The following MGAT4C variants were observed in gnomAD, a reference collection of about 807,000 sequenced individuals.
MGAT4C encodes MGAT4 family member C.
A neutral mutation model predicts 40.1 loss-of-function variants in MGAT4C; 19 were observed. The observed-to-expected ratio is 0.47, with a 90% CI of 0.33 to 0.70. The LOEUF (loss-of-function observed/expected upper bound fraction) is 0.70. Ranked by LOEUF, MGAT4C falls within the 30% of genes least tolerant of loss-of-function variation. The probability of loss-of-function intolerance (pLI) is 0.02; values close to 1 mark genes in which losing one functional copy is unlikely to be tolerated. For missense variants in MGAT4C, 491 were observed against 563.2 expected, an observed-to-expected ratio of 0.87 and a Z score of 1.30; for synonymous variants, 181 against 187.1, an observed-to-expected ratio of 0.97 and a Z score of 0.27.
intron 3 of MGAT4C, among the ~76,000 whole-genome samples, chr12:86,336,315 G>A (rs1954792079): frequency 6.6e-6 from 1 of 152,132 alleles, no homozygotes; most frequent in South Asian, 2.1e-4. Flanking sequence ...GTAGAGTTCA[G>A]TTCAATATCT....
At chr12:86,077,905 A>G (rs1468072818) in intron 1 of MGAT4C, among the ~76,000 whole-genome samples, 1 of 152,172 alleles carries the variant, frequency 6.6e-6, no homozygotes, top group East Asian at 1.9e-4. Flanking sequence ...TAGCCTGTTG[A>G]CTTAAATGCA....
chr12:86,144,015 TTAAA>T (rs1334808321), intron 1 of MGAT4C, among the ~76,000 whole-genome samples: 2 of 152,174 alleles, frequency 1.3e-5, no homozygotes, highest in African/African-American at 4.8e-5. Context: ...ATAATATGTG[TTAAA>T]TAAATTCCAG....
intron 3 of MGAT4C, among the ~76,000 whole-genome samples, chr12:86,335,773 T>A (rs1954773127): frequency 6.6e-6 from 1 of 152,118 alleles, no homozygotes; most frequent in Non-Finnish European, 1.5e-5. Flanking sequence ...CTATCAAAAC[T>A]CATTGTGCAA....
intron 2 of MGAT4C, among the ~76,000 whole-genome samples, chr12:86,531,265 T>C (rs765301225): frequency 6.6e-6 from 1 of 152,086 alleles, no homozygotes; most frequent in African/African-American, 2.4e-5. Flanking sequence ...TCCTCTACTT[T>C]TGAAAATCCA....
At chr12:86,803,355 G>A (rs1411113098) in intron 1 of MGAT4C, among the ~76,000 whole-genome samples, 1 of 151,772 alleles carries the variant, frequency 6.6e-6, no homozygotes, top group South Asian at 2.1e-4. Context: ...ATAGGCATGG[G>A]AAAGGACTTC....
intron 1 of MGAT4C, among the ~76,000 whole-genome samples, chr12:86,126,043 T>A (rs535881548): frequency 6.6e-6 from 1 of 152,084 alleles, no homozygotes; most frequent in Non-Finnish European, 1.5e-5. Context: ...TATACAGGAA[T>A]CAGTTAAAAT....
chr12:86,604,328 G>C (rs917039286), intron 2 of MGAT4C, among the ~76,000 whole-genome samples: 1 of 151,992 alleles, frequency 6.6e-6, no homozygotes, highest in African/African-American at 2.4e-5. Flanking sequence ...AGGATGATCT[G>C]ATGACCCAGC....
At chr12:86,574,996 A>C (rs1288820815) in intron 2 of MGAT4C, among the ~76,000 whole-genome samples, 1 of 151,718 alleles carries the variant, frequency 6.6e-6, no homozygotes, top group Non-Finnish European at 1.5e-5. Context: ...TTTCACTTCA[A>C]AATCAAAACC....
chr12:86,031,704 C>T (rs1890768707), intron 2 of MGAT4C, among the ~76,000 whole-genome samples: 1 of 151,774 alleles, frequency 6.6e-6, no homozygotes, highest in Non-Finnish European at 1.5e-5. Context: ...TTCTGGATTT[C>T]TCTTGAAATC....
At position 86,769,420 on chromosome 12, in the gene MGAT4C, T is replaced by C. The variant is rs201111126; in HGVS notation, c.-261-42179A>G. Among the ~76,000 whole-genome samples, 1,048 of 152,200 alleles carry C rather than the reference T, an allele frequency of 6.9e-3. 8 individuals are homozygous for C. The highest frequency in any genetic ancestry group is 0.024 in the African/African-American group (981 of 41,544). ...GAACACTTTTACACTGTTGGTGGGATTGTAAACTAGTTCAACCATTGTGGA... is the reference window on the plus strand; with the variant it reads ...GAACACTTTTACACTGTTGGTGGGACTGTAAACTAGTTCAACCATTGTGGA... On this transcript the variant is annotated intron_variant, in intron 1 of 7. Coordinates refer to the MGAT4C transcript ENST00000548651.
At chr12:86,533,698 T>C (rs1959021994) in intron 2 of MGAT4C, among the ~76,000 whole-genome samples, 1 of 151,584 alleles carries the variant, frequency 6.6e-6, no homozygotes, top group Admixed American at 6.6e-5. Flanking sequence ...TATATATCTA[T>C]ATATATAAAC....
intron 2 of MGAT4C, among the ~76,000 whole-genome samples, chr12:86,026,452 C>T (rs537612038): frequency 1.5e-3 from 229 of 151,952 alleles, no homozygotes; most frequent in Non-Finnish European, 2.6e-3. Context: ...CTTTCCATAT[C>T]AGCACAAATA....
intron 2 of MGAT4C, chr12:86,013,816 T>A (rs1447917972): frequency 4.3e-5 from 37 of 862,616 alleles, no homozygotes; most frequent in South Asian, 5.3e-5. Flanking sequence ...CCTACTCCCA[T>A]AAATATTATC....
At chr12:86,019,852 C>T (rs1042641137) in intron 2 of MGAT4C, among the ~76,000 whole-genome samples, 1 of 152,006 alleles carries the variant, frequency 6.6e-6, no homozygotes, top group Non-Finnish European at 1.5e-5. Context: ...TTGTTTGTAT[C>T]CTCTTTTATT....
chr12:86,252,989 T>C (rs1225651074), intron 1 of MGAT4C, among the ~76,000 whole-genome samples: 1 of 151,896 alleles, frequency 6.6e-6, no homozygotes, highest in East Asian at 1.9e-4. Context: ...TTGATAGACT[T>C]TTCACAAAAC....
At chr12:86,453,828 A>G (rs1056537346) in intron 2 of MGAT4C, among the ~76,000 whole-genome samples, 3 of 152,116 alleles carry the variant, frequency 2.0e-5, no homozygotes, top group Non-Finnish European at 4.4e-5. Flanking sequence ...AACTTTATCT[A>G]TAACTGTAAG....
chr12:86,628,879 C>A (rs1305670934), intron 2 of MGAT4C, among the ~76,000 whole-genome samples: 1 of 152,094 alleles, frequency 6.6e-6, no homozygotes, highest in Non-Finnish European at 1.5e-5. Flanking sequence ...ATGACAGGAA[C>A]AAATTCACAC....
At chr12:86,833,153 C>T (rs895918214) in intron 1 of MGAT4C, among the ~76,000 whole-genome samples, 6 of 151,774 alleles carry the variant, frequency 4.0e-5, no homozygotes, top group African/African-American at 1.5e-4. Context: ...TAGGAAACAC[C>T]TTACCAAAGT....
chr12:85,977,288 C>G lies in MGAT4C; in HGVS notation c.*2001G>C, dbSNP rs1442253090. The stretch of plus-strand genomic sequence containing the variant: ...ATGTCTTTGGCATACAATTGTGTAC[C>G]TTTTATCATTGACAGTGAAGAAAAT... On this transcript the variant is annotated 3_prime_UTR_variant, in exon 5 of 5. Coordinates refer to ENST00000611864, the MANE Select transcript of MGAT4C (RefSeq NM_001351288.2). The G allele has an allele frequency of 6.6e-6, 1 of 151,334 alleles. No homozygotes were observed. Among genetic ancestry groups the G allele is most frequent in the African/African-American group, 2.4e-5 (1 of 41,328 alleles). 9.4% of individuals were successfully genotyped at this position (151,334 alleles called of 1,614,324 possible).
Sources: allele counts gnomAD v4.1 joint callset (sites outside exome capture counted in the v4.1 genomes callset), GRCh38; gene constraint gnomAD v4.1.1; transcripts MANE v1.5; gene names NCBI Gene and HGNC (gene_info 2026-07-23, HGNC 2026-07-21).